Variants in FETUB observed in about 807,000 individuals in gnomAD.
FETUB encodes the protein fetuin-B.
A neutral mutation model predicts 30.9 loss-of-function variants in FETUB; 28 were observed. The observed-to-expected ratio is 0.90, with a 90% CI of 0.67 to 1.24. The LOEUF is 1.24. Among genes scored for constraint, FETUB ranks in the 50% most tolerant of loss-of-function variants. The pLI is 0.00. For synonymous variants in FETUB, 186 were observed against 175.9 expected (o/e 1.06, Z -0.45); for missense variants, 469 against 455.3 (o/e 1.03, Z -0.27).
chr3:186,646,478 CTAGT>C, intron 5 of FETUB, 129 bp downstream of exon 5: 8 of 705,404 alleles, frequency 1.1e-5, no homozygotes, highest in Non-Finnish European at 1.7e-5. Context: ...GAGCATCTGA[CTAGT>C]TAGAGATTAG....
At chr3:186,650,218 T>C (rs1233593444) in intron 5 of FETUB, among the ~76,000 whole-genome samples, 1 of 146,808 alleles carries the variant, frequency 6.8e-6, no homozygotes, top group East Asian at 2.0e-4. Flanking sequence ...GATCAAATGG[T>C]AGTTCTATTT....
chr3:186,640,837 C>A, intron 1 of FETUB, 152 bp downstream of exon 1: 1 of 722,252 alleles, frequency 1.4e-6, no homozygotes, highest in Admixed American at 2.3e-5. Context: ...GGGTCAGCAA[C>A]AACGCACTTA....
intron 3 of FETUB, among the ~76,000 whole-genome samples, chr3:186,644,440 C>T (rs983809079): frequency 4.6e-5 from 7 of 152,122 alleles, no homozygotes; most frequent in African/African-American, 1.7e-4. Flanking sequence ...GTCTACTTTA[C>T]AGGGTCAATA....
chr3:186,644,720 A>C, intron 3 of FETUB, 31 bp from the exon 4 acceptor site: 1 of 1,550,376 alleles, frequency 6.5e-7, no homozygotes, highest in Non-Finnish European at 8.7e-7. Flanking sequence ...AATTAATAGC[A>C]TTTAAAAACT....
intron 5 of FETUB, 159 bp from the exon 6 acceptor site, chr3:186,651,059 G>C: frequency 1.7e-6 from 1 of 584,912 alleles, no homozygotes; most frequent in Middle Eastern, 4.0e-4. Flanking sequence ...ATGATTTCTT[G>C]GTAGGGGTGA....
intron 1 of FETUB, 100 bp downstream of exon 1, chr3:186,640,785 G>C: frequency 1.0e-6 from 1 of 983,802 alleles, no homozygotes; most frequent in Non-Finnish European, 1.6e-6. Flanking sequence ...GGTGTTTTCT[G>C]TATTGGAAGC....
At chr3:186,636,866 C>T (rs559295704), upstream of FETUB, among the ~76,000 whole-genome samples, 89 of 152,342 alleles carry the variant, frequency 5.8e-4, no homozygotes, top group African/African-American at 2.0e-3. Context: ...CTCTGTTCTT[C>T]CTTCAAGCTC....
chr3:186,639,387 A>G (rs1158393858), upstream of FETUB, among the ~76,000 whole-genome samples: 3 of 152,152 alleles, frequency 2.0e-5, no homozygotes, highest in Admixed American at 2.0e-4. Flanking sequence ...ACTTATTTGA[A>G]TGCAGAATCC....
Position 186,644,865 on chromosome 3 carries a change from A to G in FETUB, c.539A>G (p.Asn180Ser), listed in dbSNP as rs541856731. Residue 180 changes from asparagine to serine, a missense_variant, in exon 4 of 7, where the codon AAT (asparagine) becomes AGT (serine). Transcript: ENST00000265029. ...ACCGAGTCTCTTGCGAAATACAACA[A>G]TGAGAACACATCCAAGCAGTATTCT... ...AATESLAKYNNENTSKQYSLF... is the reference protein window; with the variant it reads ...AATESLAKYNSENTSKQYSLF... The G allele has an allele frequency of 6.2e-7, 1 of 1,613,984 alleles. No homozygotes were observed. Among genetic ancestry groups the G allele is most frequent in the African/African-American group, 1.3e-5 (1 of 75,030 alleles).
upstream of FETUB, among the ~76,000 whole-genome samples, chr3:186,639,655 T>TAAAAAAAAA (rs5855107): frequency 7.7e-6 from 1 of 129,494 alleles, no homozygotes; most frequent in Non-Finnish European, 1.6e-5. Context: ...AAATAGAAGC[T>TAAAAAAAAA]AAAAAAAAAA....
upstream of FETUB, among the ~76,000 whole-genome samples, chr3:186,637,206 C>A (rs1192211458): frequency 6.6e-6 from 1 of 151,968 alleles, no homozygotes; most frequent in East Asian, 1.9e-4. Context: ...ATATATAGTG[C>A]CGGGCTTTGG....
chr3:186,647,852 T>C (rs1717676499), intron 5 of FETUB, among the ~76,000 whole-genome samples: 1 of 152,138 alleles, frequency 6.6e-6, no homozygotes, highest in South Asian at 2.1e-4. Flanking sequence ...TGAAGTTCTA[T>C]TTATATATAT....
upstream of FETUB, among the ~76,000 whole-genome samples, chr3:186,636,465 C>T (rs369457792): frequency 9.8e-5 from 15 of 152,314 alleles, no homozygotes; most frequent in East Asian, 1.7e-3. Flanking sequence ...TTAGCCATAC[C>T]GCCATAGGGA....
In FETUB at chr3:186,652,846, T is replaced by C. The variant is rs1718182451; in HGVS notation, c.*215T>C. 2 of 497,174 alleles carry C rather than the reference T, an allele frequency of 4.0e-6. No individual in the cohort carries two copies. Among genetic ancestry groups the C allele is most frequent in the Non-Finnish European group, 3.5e-6 (1 of 287,668 alleles). The allele number at this position is 497,174 out of a possible 1,614,324, so 30.8% of individuals were successfully genotyped here. A position where few individuals can be genotyped will look rare whatever the true frequency, so the allele number is the denominator to read the frequency against. On this transcript the variant is annotated 3_prime_UTR_variant, in exon 7 of 7. Coordinates refer to ENST00000265029, the MANE Select transcript of FETUB (RefSeq NM_014375.3). Reference sequence around the variant, plus strand: ...CTACCCTGTACACTGCCTTGTACCCTGAGCTGCATCACCTCCTAAACTGAG... The same window carrying C: ...CTACCCTGTACACTGCCTTGTACCCCGAGCTGCATCACCTCCTAAACTGAG...
intron 2 of FETUB, chr3:186,641,493 G>A (rs1717054044): frequency 5.9e-6 from 1 of 170,790 alleles, no homozygotes; most frequent in African/African-American, 2.4e-5. Flanking sequence ...GACTGCAGAA[G>A]TGATGGAGGT....
At chr3:186,645,355 T>C (rs1271123748) in intron 4 of FETUB, among the ~76,000 whole-genome samples, 1 of 152,156 alleles carries the variant, frequency 6.6e-6, no homozygotes, top group East Asian at 1.9e-4. Flanking sequence ...TTGATTTCTT[T>C]CCTTCTTTCT....
In FETUB at chr3:186,642,538, A is replaced by T. The variant is rs780961033; in HGVS notation, c.404A>T (p.Tyr135Phe). The change falls in exon 3 of 7, where the codon TAT (tyrosine) becomes TTT (phenylalanine). Residue 135 changes from tyrosine to phenylalanine, a missense_variant. Tyr to Phe is a conservative substitution (Grantham distance 22). Coordinates refer to ENST00000265029, the MANE Select transcript of FETUB (RefSeq NM_014375.3). Reference protein sequence around the residue: ...NPSRVLYLAAYNCTLRPVSKK... With the variant: ...NPSRVLYLAAFNCTLRPVSKK... ...AGTAGAGTTCTCTATTTAGCTGCTT[A>T]TAACTGTACTCTTCGCCCAGGTAAG... 1.2e-6 allele frequency: 2 copies of T among 1,601,770 alleles called. No homozygotes were observed. Among genetic ancestry groups the T allele is most frequent in the South Asian group, 2.2e-5 (2 of 90,304 alleles).
upstream of FETUB, among the ~76,000 whole-genome samples, chr3:186,637,724 G>A (rs141618482): frequency 6.2e-4 from 95 of 152,390 alleles, no homozygotes; most frequent in African/African-American, 2.2e-3. Context: ...GAGACAAAGT[G>A]AGGACCACAG....
At chr3:186,639,849 C>T (rs538073478), upstream of FETUB, among the ~76,000 whole-genome samples, 151 of 152,144 alleles carry the variant, frequency 9.9e-4, no homozygotes, top group Non-Finnish European at 1.3e-3. Flanking sequence ...GACTTTTTCC[C>T]CTTAAGTAAA....
Sources: allele counts gnomAD v4.1 joint callset (sites outside exome capture counted in the v4.1 genomes callset), GRCh38; gene constraint gnomAD v4.1.1; transcripts MANE v1.5; gene names NCBI Gene and HGNC (gene_info 2026-07-23, HGNC 2026-07-21).